The following DAW1 variants were observed in gnomAD, a reference collection of about 807,000 sequenced individuals.
DAW1 encodes the protein dynein assembly factor with WD repeat domains 1.
Under a neutral mutation model 56.5 loss-of-function variants are expected in DAW1, and 47 were observed. The ratio of observed to expected loss-of-function variants is 0.83; its 90% CI spans 0.66 to 1.06. DAW1 has a LOEUF of 1.06. Ranked by LOEUF, DAW1 falls within the 50% of genes least tolerant of loss-of-function variation. The probability of loss-of-function intolerance (pLI) is 0.00; values close to 1 mark genes in which losing one functional copy is unlikely to be tolerated. For missense variants in DAW1, 505 were observed against 499.3 expected (o/e 1.01, Z -0.11); for synonymous variants, 190 against 179.0 (o/e 1.06, Z -0.49).
chr2:227,873,752 G>A (rs1690809622), intron 1 of DAW1, among the ~76,000 whole-genome samples: 1 of 152,074 alleles, frequency 6.6e-6, no homozygotes. Flanking sequence ...GAGTGCAGTG[G>A]TGCAATCCAA....
At chr2:227,917,038 G>A (rs1338624571) in intron 10 of DAW1, among the ~76,000 whole-genome samples, 2 of 151,904 alleles carry the variant, frequency 1.3e-5, no homozygotes, top group African/African-American at 4.8e-5. Context: ...CCTACACTAT[G>A]TTTATGTTAT....
chr2:227,904,866 T>C lies in DAW1; in HGVS notation c.649-63T>C, dbSNP rs1419091153. 9 of 1,452,028 alleles carry C rather than the reference T, an allele frequency of 6.2e-6. No individual in the cohort carries two copies. In the African/African-American group the frequency reaches 7.0e-5, roughly 11 times the overall value. The allele number at this position is 1,452,028 out of a possible 1,614,324, so 89.9% of individuals were successfully genotyped here. ...CAGCATTTCCTTTTAGACTATGATA[T>C]TGTACGCTTGCAGAAATTGTTTTAT... On this transcript the variant is annotated intron_variant, in intron 7 of 12. Coordinates refer to ENST00000309931, the MANE Select transcript of DAW1 (RefSeq NM_178821.3).
chr2:227,921,624 T>C, intron 12 of DAW1, 63 bp downstream of exon 12: 1 of 1,537,940 alleles, frequency 6.5e-7, no homozygotes, highest in Middle Eastern at 1.7e-4. Flanking sequence ...GTTCCCAAGC[T>C]GAATACTAAC....
At chr2:227,913,877 ATCTATCTGTCTG>A (rs1432019616) in intron 10 of DAW1, among the ~76,000 whole-genome samples, 12 of 97,222 alleles carry the variant, frequency 1.2e-4, no homozygotes, top group African/African-American at 3.8e-4. Context: ...CATCATATCT[ATCTATCTGTCTG>A]TCTGTCTGTC....
At chr2:227,909,115 T>C (rs550837375) in intron 10 of DAW1, among the ~76,000 whole-genome samples, 19 of 152,120 alleles carry the variant, frequency 1.2e-4, no homozygotes, top group Admixed American at 9.2e-4. Flanking sequence ...CTATTCCATA[T>C]CTTAGTATTT....
chr2:227,914,787 A>T (rs1462400722), intron 10 of DAW1, among the ~76,000 whole-genome samples: 1 of 152,052 alleles, frequency 6.6e-6, no homozygotes, highest in Non-Finnish European at 1.5e-5. Flanking sequence ...CTTGAAATTT[A>T]TGTTGGAATC....
At chr2:227,905,912 G>A (rs1349252034) in intron 8 of DAW1, among the ~76,000 whole-genome samples, 3 of 152,016 alleles carry the variant, frequency 2.0e-5, no homozygotes, top group South Asian at 4.1e-4. Flanking sequence ...CCACCACCAC[G>A]CCTGGCTAAT....
chr2:227,874,963 A>AAAACAAACAAACAAACAAACAAAC (rs55786766), intron 1 of DAW1, among the ~76,000 whole-genome samples: 34 of 117,884 alleles, frequency 2.9e-4, no homozygotes, highest in Non-Finnish European at 4.7e-4. Context: ...ACTCTGTCTC[A>AAAACAAACAAACAAACAAACAAAC]AAACAAACAA....
intron 12 of DAW1, among the ~76,000 whole-genome samples, chr2:227,923,366 A>C (rs1692152929): frequency 6.6e-6 from 1 of 152,236 alleles, no homozygotes; most frequent in Non-Finnish European, 1.5e-5. Flanking sequence ...TTGTTAAAAC[A>C]TGAAGTGTCA....
At chr2:227,912,475 C>G in intron 10 of DAW1, 1 of 1,303,312 alleles carries the variant, frequency 7.7e-7, no homozygotes, top group East Asian at 5.5e-5. Context: ...ATATGGTATG[C>G]TACATGCTGT....
At chr2:227,890,790 T>C (rs997856570) in intron 3 of DAW1, among the ~76,000 whole-genome samples, 3 of 152,242 alleles carry the variant, frequency 2.0e-5, no homozygotes, top group Admixed American at 6.5e-5. Context: ...TATTCATAGT[T>C]ACATTTTGGT....
intron 10 of DAW1, among the ~76,000 whole-genome samples, chr2:227,916,565 T>C (rs1691956594): frequency 6.6e-6 from 1 of 152,158 alleles, no homozygotes; most frequent in Non-Finnish European, 1.5e-5. Context: ...GATAACCTTG[T>C]AGAGTGCTTT....
chr2:227,871,836 C>T, intron 1 of DAW1, 107 bp downstream of exon 1: 2 of 1,469,720 alleles, frequency 1.4e-6, no homozygotes, highest in Non-Finnish European at 1.9e-6. Flanking sequence ...GCGGGGTCCC[C>T]AGGTGGGGCA....
intron 9 of DAW1, 35 bp from the exon 10 acceptor site, chr2:227,907,103 C>CTTTTTTTTTTTTTTTTTTTTTT: frequency 8.7e-7 from 1 of 1,143,104 alleles, no homozygotes; most frequent in African/African-American, 1.6e-5. Context: ...AAGTCATAGT[C>CTTTTTTTTTTTTTTTTTTTTTT]TTTTTTTTTT....
intron 7 of DAW1, among the ~76,000 whole-genome samples, chr2:227,904,241 T>C (rs1691623912): frequency 6.6e-6 from 1 of 152,230 alleles, no homozygotes; most frequent in Non-Finnish European, 1.5e-5. Flanking sequence ...ATAATTCAAC[T>C]TTTCTAATTC....
At chr2:227,909,270 A>ATCTATCTATCTATCTATCTATCTG (rs1553603365) in intron 10 of DAW1, among the ~76,000 whole-genome samples, 99 of 144,456 alleles carry the variant, frequency 6.9e-4, no homozygotes, top group Non-Finnish European at 8.1e-4. Context: ...CTATCTATCT[A>ATCTATCTATCTATCTATCTATCTG]TCTGTCTGTC....
At chr2:227,894,309 G>A (rs533902052) in intron 5 of DAW1, among the ~76,000 whole-genome samples, 105 of 152,132 alleles carry the variant, frequency 6.9e-4, no homozygotes, top group South Asian at 2.7e-3. Flanking sequence ...CCAGCTACTC[G>A]GGAGGCTGAG....
At chr2:227,887,460 T>C (rs1392780505) in intron 2 of DAW1, among the ~76,000 whole-genome samples, 2 of 152,186 alleles carry the variant, frequency 1.3e-5, no homozygotes, top group African/African-American at 4.8e-5. Flanking sequence ...GCTATAAAGA[T>C]ATTACTCATA....
At chr2:227,909,270 A>ATCTATCTATCTGTCTG (rs1553603365) in intron 10 of DAW1, among the ~76,000 whole-genome samples, 389 of 144,450 alleles carry the variant, frequency 2.7e-3, no homozygotes, top group South Asian at 3.8e-3. Context: ...CTATCTATCT[A>ATCTATCTATCTGTCTG]TCTGTCTGTC....
Sources: gnomAD v4.1 joint callset for allele counts (sites outside exome capture counted in the v4.1 genomes callset) on GRCh38, gnomAD v4.1.1 for gene constraint, MANE v1.5 for transcripts, NCBI Gene and HGNC (gene_info 2026-07-23, HGNC 2026-07-21) for gene names.